Variants in PRCP observed in about 807,000 individuals in gnomAD.
PRCP encodes prolylcarboxypeptidase.
PRCP carries 46 observed loss-of-function variants against 54.2 expected under a neutral mutation model. The ratio of observed to expected loss-of-function variants is 0.85; its 90% CI spans 0.67 to 1.09. The LOEUF is 1.09. Among genes scored for constraint, PRCP ranks in the 50% least tolerant of loss-of-function variants. The pLI, the probability that PRCP is intolerant of heterozygous loss-of-function variation, is 0.00. For synonymous variants in PRCP, 240 were observed against 212.2 expected, an observed-to-expected ratio of 1.13 and a Z score of -1.14; for missense variants, 613 against 596.8, an observed-to-expected ratio of 1.03 and a Z score of -0.28.
At chr11:82,860,852 T>C (rs2121179558) in intron 1 of PRCP, among the ~76,000 whole-genome samples, 1 of 152,214 alleles carries the variant, frequency 6.6e-6, no homozygotes, top group South Asian at 2.1e-4. Flanking sequence ...TGATTGACAT[T>C]TGGGACAAGG....
chr11:82,856,180 TA>T (rs1331117745), intron 2 of PRCP, among the ~76,000 whole-genome samples: 3 of 151,988 alleles, frequency 2.0e-5, no homozygotes, highest in Non-Finnish European at 4.4e-5. Flanking sequence ...AAATTTAAAA[TA>T]AAAATAAACC....
intron 1 of PRCP, among the ~76,000 whole-genome samples, chr11:82,874,982 A>G (rs113362984): frequency 6.6e-6 from 1 of 152,022 alleles, no homozygotes; most frequent in African/African-American, 2.4e-5. Context: ...ATTTATACAT[A>G]CATGTCTTAT....
intron 1 of PRCP, among the ~76,000 whole-genome samples, chr11:82,884,429 A>G (rs1169636415): frequency 1.3e-5 from 2 of 152,124 alleles, no homozygotes; most frequent in Non-Finnish European, 2.9e-5. Flanking sequence ...CATAATGGTC[A>G]TACCTGTAGT....
intron 6 of PRCP, 160 bp from the exon 7 acceptor site, chr11:82,839,585 T>C: frequency 1.3e-6 from 1 of 746,598 alleles, no homozygotes; most frequent in South Asian, 1.9e-5. Context: ...ATCCCCTCCA[T>C]AAATGAATAA....
chr11:82,876,084 A>G (rs1237405261), intron 1 of PRCP, among the ~76,000 whole-genome samples: 1 of 152,200 alleles, frequency 6.6e-6, no homozygotes, highest in Non-Finnish European at 1.5e-5. Context: ...GGCCCAAAGG[A>G]GAATGCTCCT....
intron 1 of PRCP, among the ~76,000 whole-genome samples, chr11:82,883,951 G>T (rs2121249613): frequency 6.6e-6 from 1 of 152,310 alleles, no homozygotes; most frequent in East Asian, 1.9e-4. Flanking sequence ...TCAACGCCAA[G>T]GAGAAGAGAG....
At chr11:82,829,302 T>TC (rs1370137708) in intron 8 of PRCP, 4 of 152,242 alleles carry the variant, frequency 2.6e-5, no homozygotes, top group African/African-American at 9.7e-5. Flanking sequence ...ATTCAGGCCC[T>TC]CTGCTCCCTC....
chr11:82,885,891 T>C (rs1859851941), intron 1 of PRCP, among the ~76,000 whole-genome samples: 3 of 152,172 alleles, frequency 2.0e-5, no homozygotes, highest in African/African-American at 7.2e-5. Context: ...GAGAGAAAGT[T>C]CTATAGTAGT....
upstream of PRCP, chr11:82,900,493 G>T: frequency 6.8e-7 from 1 of 1,472,240 alleles, no homozygotes; most frequent in African/African-American, 1.4e-5. Flanking sequence ...CTGCAGCTCC[G>T]CCCGCCGCAA....
intron 1 of PRCP, among the ~76,000 whole-genome samples, chr11:82,896,582 G>A (rs1334182200): frequency 6.7e-6 from 1 of 148,570 alleles, no homozygotes; most frequent in African/African-American, 2.5e-5. Flanking sequence ...GGGAGGCTAA[G>A]GCAGGGGAAT....
intron 7 of PRCP, 49 bp downstream of exon 7, chr11:82,839,212 C>G (rs373175685): frequency 6.4e-7 from 1 of 1,571,998 alleles, no homozygotes; most frequent in East Asian, 2.2e-5. Context: ...TACAGCACAA[C>G]TGTGTCAGTG....
rs760295219 is a variant in PRCP, at chr11:82,850,387, C to T, written c.530G>A (p.Gly177Glu). The T allele has an allele frequency of 3.7e-6, 6 of 1,600,718 alleles. No individual in the cohort carries two copies. The Admixed American group carries it at 6.8e-5, about 18-fold the overall frequency. Reference protein sequence around the residue: ...GAENQPVIAIGGSYGGMLAAW... With the variant: ...GAENQPVIAIEGSYGGMLAAW... Reference sequence around the variant, plus strand: ...GGCAAGCATGCCACCATAGGAGCCTCCTATGGCAATGACAGGTTGATTTTC... The same window carrying T: ...GGCAAGCATGCCACCATAGGAGCCTTCTATGGCAATGACAGGTTGATTTTC... Residue 177 changes from glycine to glutamate, a missense_variant, in exon 4 of 9, where the codon GGA becomes GAA. Transcript: ENST00000313010.
intron 1 of PRCP, among the ~76,000 whole-genome samples, chr11:82,875,492 G>C (rs1237517397): frequency 6.6e-6 from 1 of 152,194 alleles, no homozygotes; most frequent in Non-Finnish European, 1.5e-5. Flanking sequence ...ACCTTGAAAG[G>C]TAGAAAAGCT....
At chr11:82,860,854 G>C (rs934926881) in intron 1 of PRCP, among the ~76,000 whole-genome samples, 1 of 152,112 alleles carries the variant, frequency 6.6e-6, no homozygotes, top group African/African-American at 2.4e-5. Flanking sequence ...ATTGACATTT[G>C]GGACAAGGAA....
intron 8 of PRCP, chr11:82,826,649 G>GT (rs558798159): frequency 3.9e-5 from 6 of 152,188 alleles, no homozygotes; most frequent in Non-Finnish European, 7.4e-5. Context: ...TCCTAAGCTA[G>GT]TAAGTATTAA....
At chr11:82,842,495 C>T (rs747166465) in intron 6 of PRCP, among the ~76,000 whole-genome samples, 1 of 152,154 alleles carries the variant, frequency 6.6e-6, no homozygotes, top group Non-Finnish European at 1.5e-5. Flanking sequence ...AGAGAGCAAT[C>T]GGGATGGGGA....
In PRCP at chr11:82,831,008, A is replaced by T. The variant is rs138773530; in HGVS notation, c.1275-5886T>A. The T allele has an allele frequency of 1.3e-3, 182 of 144,022 alleles. 1 individual carries two copies. The highest frequency in any genetic ancestry group is 3.7e-3 in the African/African-American group (144 of 38,622). 8.9% of individuals were successfully genotyped at this position (144,022 alleles called of 1,614,324 possible). A position where few individuals can be genotyped will look rare whatever the true frequency, so the allele number is the denominator to read the frequency against. On this transcript the variant is annotated intron_variant, in intron 8 of 8. Transcript: ENST00000313010. ...ATGGACTTGAATTTCTTGGTCCTAGACATGTGAAAGCTAAACCAGTCATTG... is the reference window on the plus strand; with the variant it reads ...ATGGACTTGAATTTCTTGGTCCTAGTCATGTGAAAGCTAAACCAGTCATTG...
intron 1 of PRCP, 49 bp downstream of exon 1, chr11:82,900,178 AGGGTCAGG>A: frequency 6.3e-7 from 1 of 1,587,998 alleles, no homozygotes; most frequent in South Asian, 1.1e-5. Context: ...CCGGGCTCTG[AGGGTCAGG>A]GTTCCCGGCG....
At position 82,860,119 on chromosome 11, in the gene PRCP, T is replaced by C. The variant is rs1480320491; in HGVS notation, c.169-2A>G. 9 of 1,484,122 alleles carry C rather than the reference T, an allele frequency of 6.1e-6. No individual in the cohort carries two copies. The highest frequency in any genetic ancestry group is 7.2e-6 in the Non-Finnish European group (8 of 1,107,556). 91.9% of individuals were successfully genotyped at this position (1,484,122 alleles called of 1,614,324 possible). On this transcript the variant is annotated splice_acceptor_variant, in intron 1 of 8. Transcript: ENST00000313010. LOFTEE classifies it high-confidence loss of function. ...AGTATTAAATCCAAAATGATCAACC[T>C]GTGATAAAAACAAAACAAAACATAT...
Sources: allele counts gnomAD v4.1 joint callset (sites outside exome capture counted in the v4.1 genomes callset), GRCh38; gene constraint gnomAD v4.1.1; transcripts MANE v1.5; gene names NCBI Gene and HGNC (gene_info 2026-07-23, HGNC 2026-07-21).